Variants in THSD7B observed in about 807,000 individuals in gnomAD.
THSD7B encodes thrombospondin type 1 domain containing 7B, also known as thrombospondin type-1 domain-containing protein 7B.
Under a neutral mutation model 213.6 loss-of-function variants are expected in THSD7B, and 138 were observed. The observed-to-expected ratio is 0.65, with a 90% CI of 0.56 to 0.74. The LOEUF (loss-of-function observed/expected upper bound fraction) is 0.74, where lower values mean the gene tolerates loss of function less well. THSD7B is among the 30% of genes least tolerant of loss of function. The pLI is 0.00. For synonymous variants in THSD7B, 742 were observed against 687.0 expected, an observed-to-expected ratio of 1.08 and a Z score of -1.25; for missense variants, 1,931 against 1,991.5, an observed-to-expected ratio of 0.97 and a Z score of 0.58.
chr2:137,181,165 T>C (rs35620731), intron 7 of THSD7B, among the ~76,000 whole-genome samples: 10,594 of 152,268 alleles, frequency 0.07, 398 homozygotes, highest in African/African-American at 0.094. Context: ...TTCATCAGAA[T>C]GGATTGGAAG....
intron 1 of THSD7B, among the ~76,000 whole-genome samples, chr2:136,822,420 C>A (rs1436409041): frequency 1.3e-5 from 2 of 152,194 alleles, no homozygotes; most frequent in East Asian, 3.8e-4. Context: ...ACCTTGGCAA[C>A]AACTAATTGT....
chr2:137,014,957 C>T (rs1365104494), intron 2 of THSD7B, among the ~76,000 whole-genome samples: 2 of 152,044 alleles, frequency 1.3e-5, no homozygotes, highest in East Asian at 3.9e-4. Flanking sequence ...AGTGTCATAC[C>T]TCTGGTCTCA....
chr2:137,362,109 C>A (rs1284132667), intron 12 of THSD7B, among the ~76,000 whole-genome samples: 1 of 152,078 alleles, frequency 6.6e-6, no homozygotes, highest in Non-Finnish European at 1.5e-5. Flanking sequence ...ATTTTCAACC[C>A]AGAATTTCAT....
At chr2:136,780,500 C>G (rs1361857479) in intron 1 of THSD7B, among the ~76,000 whole-genome samples, 4 of 152,316 alleles carry the variant, frequency 2.6e-5, no homozygotes, top group Middle Eastern at 6.8e-3. Flanking sequence ...CTTTCTATCT[C>G]TGTCCTCCCA....
intron 1 of THSD7B, among the ~76,000 whole-genome samples, chr2:136,838,247 G>A (rs1682872787): frequency 6.6e-6 from 1 of 152,020 alleles, no homozygotes; most frequent in African/African-American, 2.4e-5. Context: ...CTTAAGATCT[G>A]CTTCCTTGGA....
intron 14 of THSD7B, among the ~76,000 whole-genome samples, chr2:137,412,521 C>CGG (rs34211679): frequency 4.1e-5 from 6 of 144,628 alleles, no homozygotes; most frequent in Non-Finnish European, 7.5e-5. Context: ...TGCTTGAACC[C>CGG]GGGGGGCAGA....
At chr2:137,626,179 G>A (rs372686607) in intron 20 of THSD7B, among the ~76,000 whole-genome samples, 2 of 152,072 alleles carry the variant, frequency 1.3e-5, no homozygotes, top group Non-Finnish European at 2.9e-5. Flanking sequence ...ATGCCTTTAG[G>A]GGGCCAGGCG....
At chr2:137,314,822 G>T (rs1325146618) in intron 12 of THSD7B, among the ~76,000 whole-genome samples, 1 of 152,186 alleles carries the variant, frequency 6.6e-6, no homozygotes, top group African/African-American at 2.4e-5. Flanking sequence ...GCTGCTCGGG[G>T]GTCAGGGGTC....
chr2:136,997,557 G>A (rs749234747), intron 2 of THSD7B, among the ~76,000 whole-genome samples: 4 of 152,126 alleles, frequency 2.6e-5, no homozygotes, highest in Non-Finnish European at 5.9e-5. Context: ...AGTGGAAAGC[G>A]GGGCATAAGT....
At chr2:137,391,088 A>G (rs28857184) in intron 12 of THSD7B, among the ~76,000 whole-genome samples, 34,333 of 151,768 alleles carry the variant, frequency 0.23, 4,000 homozygotes, top group South Asian at 0.27. Context: ...TCTGATCCTC[A>G]GCTTTTTGTT....
At chr2:137,673,241 C>A (rs1158829731) in intron 27 of THSD7B, among the ~76,000 whole-genome samples, 1 of 147,932 alleles carries the variant, frequency 6.8e-6, no homozygotes, top group Admixed American at 6.9e-5. Flanking sequence ...TGCTAAAATG[C>A]AAATGACCCT....
chr2:137,494,321 A>G (rs993844210), intron 15 of THSD7B, among the ~76,000 whole-genome samples: 1 of 152,184 alleles, frequency 6.6e-6, no homozygotes, highest in African/African-American at 2.4e-5. Flanking sequence ...AAGATTCAGG[A>G]GAGCAGACTA....
intron 12 of THSD7B, among the ~76,000 whole-genome samples, chr2:137,298,874 C>T (rs1573942769): frequency 6.6e-6 from 1 of 152,180 alleles, no homozygotes; most frequent in African/African-American, 2.4e-5. Context: ...GGGGCGGGGC[C>T]CTCATGGAGA....
At chr2:137,080,226 A>G (rs145047724) in intron 3 of THSD7B, among the ~76,000 whole-genome samples, 1 of 151,644 alleles carries the variant, frequency 6.6e-6, no homozygotes, top group African/African-American at 2.4e-5. Flanking sequence ...TTTGAGACAG[A>G]GTCTCACTTC....
intron 15 of THSD7B, among the ~76,000 whole-genome samples, chr2:137,480,393 C>T (rs542360585): frequency 2.0e-5 from 3 of 152,176 alleles, no homozygotes; most frequent in East Asian, 1.9e-4. Context: ...CATTTGTGGT[C>T]GAGTTATAAA....
At chr2:137,189,503 A>G (rs1182939836) in intron 7 of THSD7B, among the ~76,000 whole-genome samples, 1 of 150,936 alleles carries the variant, frequency 6.6e-6, no homozygotes, top group East Asian at 2.0e-4. Flanking sequence ...CCCATGGCCT[A>G]TGCCCTCTAG....
chr2:137,655,046 A>T (rs1162902139), intron 21 of THSD7B, among the ~76,000 whole-genome samples: 1 of 152,224 alleles, frequency 6.6e-6, no homozygotes, highest in African/African-American at 2.4e-5. Context: ...GGCAACAGAG[A>T]AAAACCGTGT....
intron 12 of THSD7B, among the ~76,000 whole-genome samples, chr2:137,365,591 G>A (rs2104942242): frequency 6.6e-6 from 1 of 152,338 alleles, no homozygotes; most frequent in Non-Finnish European, 1.5e-5. Flanking sequence ...TATATGAACA[G>A]ACACTTTTCA....
At chr2:136,890,847 T>C (rs534250883) in intron 2 of THSD7B, among the ~76,000 whole-genome samples, 79 of 151,782 alleles carry the variant, frequency 5.2e-4, no homozygotes, top group African/African-American at 1.6e-3. Context: ...GGCCATGTCC[T>C]ACACTTCTGA....
Sources: gnomAD v4.1 joint callset for allele counts (sites outside exome capture counted in the v4.1 genomes callset) on GRCh38, gnomAD v4.1.1 for gene constraint, MANE v1.5 for transcripts, NCBI Gene and HGNC (gene_info 2026-07-23, HGNC 2026-07-21) for gene names.